The following CNNM4 variants were observed in gnomAD, a reference collection of about 807,000 sequenced individuals.
CNNM4 encodes the protein cyclin and CBS domain divalent metal cation transport mediator 4, also known as metal transporter CNNM4.
In CNNM4, 32 loss-of-function variants were observed where a neutral mutation model predicts 53.7. The observed-to-expected ratio is 0.60, with a 90% CI of 0.45 to 0.80. The LOEUF is 0.80. CNNM4 is among the 30% of genes least tolerant of loss of function. The pLI, the probability that CNNM4 is intolerant of heterozygous loss-of-function variation, is 0.00. For missense variants in CNNM4, 784 were observed against 1,022.0 expected, an observed-to-expected ratio of 0.77 and a Z score of 3.17; for synonymous variants, 410 against 440.0, an observed-to-expected ratio of 0.93 and a Z score of 0.85.
chr2:96,800,728 A>T lies in CNNM4; in HGVS notation c.1948+1080A>T, dbSNP rs1364589647. ...GGAAATCTCATTCAGAAGGGCGGGC[A>T]GGCACGGGAGGCTTCCCCCAGGCAC... is the stretch of plus-strand genomic sequence containing the variant. On this transcript the variant is annotated intron_variant, in intron 5 of 6. Coordinates refer to ENST00000377075, the MANE Select transcript of CNNM4 (RefSeq NM_020184.4). The surrounding 1 kb of genome is among the most constrained non-coding windows in gnomAD (Gnocchi z 4.6). Among the ~76,000 whole-genome samples, 1 of 152,234 alleles carries T rather than the reference A, an allele frequency of 6.6e-6. No individual in the cohort carries two copies. The highest frequency in any genetic ancestry group is 2.4e-5 in the African/African-American group (1 of 41,470).
chr2:96,786,035 T>C (rs1391893476), intron 1 of CNNM4, among the ~76,000 whole-genome samples: 7 of 151,364 alleles, frequency 4.6e-5, no homozygotes, highest in Non-Finnish European at 7.4e-5. Context: ...TGCAATGAGC[T>C]GAGATCACGC....
chr2:96,805,427 T>A (rs541054706), intron 5 of CNNM4, among the ~76,000 whole-genome samples: 1 of 140,076 alleles, frequency 7.1e-6, no homozygotes, highest in Non-Finnish European at 1.5e-5. Context: ...AGTTTTTTTT[T>A]TTTTTTTTTT....
At chr2:96,774,716 C>T (rs1164234427) in intron 1 of CNNM4, among the ~76,000 whole-genome samples, 2 of 152,036 alleles carry the variant, frequency 1.3e-5, no homozygotes, top group East Asian at 3.9e-4. Flanking sequence ...GTAATCCCAG[C>T]ACTTTGAGAG....
rs768059233 is a variant in CNNM4 at position 96,808,596 on chromosome 2, T to TC, written c.1985dup (p.Ala663SerfsTer35). On this transcript the variant is annotated frameshift_variant, in exon 6 of 7. Transcript: ENST00000377075. LOFTEE classifies it high-confidence loss of function. This position sits in a 1 kb window ranked among gnomAD's most constrained non-coding sequence, Gnocchi z 4.9. Reference sequence around the variant, plus strand: ...AGCACACCCCACCCCACTCAGCCGCTCAGCCTCCCTCAGTTACCCAGACCG... The same window carrying TC: ...AGCACACCCCACCCCACTCAGCCGCTCCAGCCTCCCTCAGTTACCCAGACCG... 1.2e-6 allele frequency: 2 copies of TC among 1,614,094 alleles called. No homozygotes were observed. Among genetic ancestry groups the TC allele is most frequent in the East Asian group, 2.2e-5 (1 of 44,880 alleles).
Position 96,800,988 on chromosome 2 carries a change from G to A in CNNM4, c.1948+1340G>A, listed in dbSNP as rs1013439454. 70 of 571,488 alleles carry A rather than the reference G, an allele frequency of 1.2e-4. No homozygotes were observed. Among genetic ancestry groups the A allele is most frequent in the African/African-American group, 1.2e-4 (6 of 48,970 alleles). 35.4% of individuals were successfully genotyped at this position (571,488 alleles called of 1,614,324 possible). On this transcript the variant is annotated intron_variant, in intron 5 of 6. Coordinates refer to ENST00000377075, the MANE Select transcript of CNNM4 (RefSeq NM_020184.4). This position sits in a 1 kb window ranked among gnomAD's most constrained non-coding sequence, Gnocchi z 4.6. ...TCTCTGCCCAAAGCAGCCTGGCCCC[G>A]TCAGGTCTGCCTCTGTCCTGTGCCT...
At position 96,810,541 on chromosome 2, in the gene CNNM4, A is replaced by T. The variant is rs1274341577; in HGVS notation, c.*1024A>T. On this transcript the variant is annotated 3_prime_UTR_variant, in exon 7 of 7. Coordinates refer to ENST00000377075, the MANE Select transcript of CNNM4 (RefSeq NM_020184.4). This position sits in a 1 kb window ranked among gnomAD's most constrained non-coding sequence, Gnocchi z 4.1. ...CAGTCAGTACCACCCCCGCCCCACAATGACAGTCAAGGCTGACTTGTTGAC... is the reference window on the plus strand; with the variant it reads ...CAGTCAGTACCACCCCCGCCCCACATTGACAGTCAAGGCTGACTTGTTGAC... 1 of 152,630 alleles carries T rather than the reference A, an allele frequency of 6.6e-6. No individual in the cohort carries two copies. Among genetic ancestry groups the T allele is most frequent in the African/African-American group, 2.4e-5 (1 of 41,440 alleles). 9.5% of individuals were successfully genotyped at this position (152,630 alleles called of 1,614,324 possible).
At position 96,801,441 on chromosome 2, in the gene CNNM4, G is replaced by T. The variant is rs986897961; in HGVS notation, c.1948+1793G>T. ...ATACACGCAGAGACACACACAGTGA[G>T]AGACCACATGCAGAGAGACCGCACA... On this transcript the variant is annotated intron_variant, in intron 5 of 6. Coordinates refer to ENST00000377075, the MANE Select transcript of CNNM4 (RefSeq NM_020184.4). The surrounding 1 kb of genome is among the most constrained non-coding windows in gnomAD (Gnocchi z 5.6). 2.6e-5 allele frequency among the ~76,000 whole-genome samples: 4 copies of T among 151,906 alleles called. No homozygotes were observed. Among genetic ancestry groups the T allele is most frequent in the African/African-American group, 9.7e-5 (4 of 41,316 alleles).
chr2:96,798,748 G>A (rs932056782), intron 3 of CNNM4, among the ~76,000 whole-genome samples: 2 of 152,164 alleles, frequency 1.3e-5, no homozygotes, highest in South Asian at 4.1e-4. Flanking sequence ...CAACCACCCT[G>A]TGAAGCTTTT....
chr2:96,799,495 C>A (rs1264568009), intron 4 of CNNM4, 57 bp from the exon 5 acceptor site: 3 of 1,460,808 alleles, frequency 2.1e-6, no homozygotes, highest in Admixed American at 3.9e-5. Flanking sequence ...CCCATCCTGC[C>A]TCATCCTTTG....
At chr2:96,799,000 G>A (rs539405289) in intron 3 of CNNM4, 57 bp from the exon 4 acceptor site, 55 of 1,566,828 alleles carry the variant, frequency 3.5e-5, no homozygotes, top group Admixed American at 6.7e-5. Flanking sequence ...AGCAGTGATC[G>A]AGCTTTAGGG....
In CNNM4 at chr2:96,800,667, G is replaced by C. The variant is rs937183953; in HGVS notation, c.1948+1019G>C. Reference sequence around the variant, plus strand: ...GCCTCAGGCCTGGGGATGACTTCCTGTGCCTCCAAGAGCAGCTGTTCTCTG... The same window carrying C: ...GCCTCAGGCCTGGGGATGACTTCCTCTGCCTCCAAGAGCAGCTGTTCTCTG... On this transcript the variant is annotated intron_variant, in intron 5 of 6. Transcript: ENST00000377075. The surrounding 1 kb of genome is among the most constrained non-coding windows in gnomAD (Gnocchi z 4.6). Among the ~76,000 whole-genome samples the C allele has an allele frequency of 6.6e-6, 1 of 152,226 alleles. No homozygotes were observed. Among genetic ancestry groups the C allele is most frequent in the African/African-American group, 2.4e-5 (1 of 41,458 alleles).
At chr2:96,781,704 T>G (rs918819101) in intron 1 of CNNM4, among the ~76,000 whole-genome samples, 1 of 152,132 alleles carries the variant, frequency 6.6e-6, no homozygotes, top group African/African-American at 2.4e-5. Context: ...TTGATTTAAG[T>G]CATTCACCAC....
intron 5 of CNNM4, among the ~76,000 whole-genome samples, chr2:96,804,823 A>G (rs1398758657): frequency 6.6e-6 from 1 of 151,816 alleles, no homozygotes; most frequent in Non-Finnish European, 1.5e-5. Context: ...GGTGTGAGCC[A>G]CCGCACTCTG....
chr2:96,792,758 C>T (rs928704622), intron 1 of CNNM4, among the ~76,000 whole-genome samples: 1 of 151,912 alleles, frequency 6.6e-6, no homozygotes, highest in Non-Finnish European at 1.5e-5. Context: ...GAGCTGAGAT[C>T]GCGCCACTGT....
chr2:96,766,769 G>T (rs2078823050), intron 1 of CNNM4, among the ~76,000 whole-genome samples: 1 of 152,172 alleles, frequency 6.6e-6, no homozygotes, highest in African/African-American at 2.4e-5. Flanking sequence ...CTCCATCCAT[G>T]GCACTGAGTG....
In CNNM4 at chr2:96,780,229, C is replaced by T. The variant is rs181691464; in HGVS notation, c.1403-16783C>T. 1.2e-4 allele frequency among the ~76,000 whole-genome samples: 19 copies of T among 152,002 alleles called. No homozygotes were observed. The East Asian group carries it at 3.5e-3, about 28-fold the overall frequency. On this transcript the variant is annotated intron_variant, in intron 1 of 6. Coordinates refer to ENST00000377075, the MANE Select transcript of CNNM4 (RefSeq NM_020184.4). Reference sequence around the variant, plus strand: ...TACACATCTTTTCTTGAGTATATTCCTAGTTATTTGGTGATCATAAATGAG... The same window carrying T: ...TACACATCTTTTCTTGAGTATATTCTTAGTTATTTGGTGATCATAAATGAG...
At chr2:96,792,760 C>G (rs1386377113) in intron 1 of CNNM4, among the ~76,000 whole-genome samples, 1 of 151,830 alleles carries the variant, frequency 6.6e-6, no homozygotes, top group Non-Finnish European at 1.5e-5. Context: ...GCTGAGATCG[C>G]GCCACTGTAC....
rs1180491381 is a variant in CNNM4 at position 96,809,369 on chromosome 2, A to G, written c.2180A>G (p.Asn727Ser). 1 of 1,614,158 alleles carries G rather than the reference A, an allele frequency of 6.2e-7. No homozygotes were observed. The highest frequency in any genetic ancestry group is 8.5e-7 in the Non-Finnish European group (1 of 1,180,022). Residue 727 changes from asparagine (N) to serine (S), a missense_variant, in exon 7 of 7, where the codon AAC becomes AGC. This residue lies in a region of CNNM4 where 307 missense variants were observed against 376.3 expected (regional missense o/e 0.82). Coordinates refer to ENST00000377075, the MANE Select transcript of CNNM4 (RefSeq NM_020184.4). ...GGGCTGCTGGCTTCTCGCATGGAGA[A>G]CAGCCCTCAGTTTCCCATAGACGGG... ...QNGLLASRMENSPQFPIDGCT... is the reference protein window; with the variant it reads ...QNGLLASRMESSPQFPIDGCT...
At chr2:96,765,048 T>G (rs2078803184) in intron 1 of CNNM4, among the ~76,000 whole-genome samples, 1 of 128,384 alleles carries the variant, frequency 7.8e-6, no homozygotes, top group African/African-American at 3.1e-5. Context: ...TTTTTTTTTT[T>G]TTTTTTTTTT....
Sources: allele counts gnomAD v4.1 joint callset (sites outside exome capture counted in the v4.1 genomes callset), GRCh38; gene constraint gnomAD v4.1.1; regional missense constraint gnomAD v4.1.1; non-coding constraint Gnocchi (gnomAD v3.1); transcripts MANE v1.5; gene names NCBI Gene and HGNC (gene_info 2026-07-23, HGNC 2026-07-21).